Variants in CSMD1 observed in about 807,000 individuals in gnomAD.
CSMD1 encodes the protein CUB and Sushi multiple domains 1.
In CSMD1, 213 loss-of-function variants were observed where a neutral mutation model predicts 417.5. That is an observed-to-expected ratio of 0.51 (90% CI 0.46 to 0.57). The LOEUF (loss-of-function observed/expected upper bound fraction) is 0.57, where lower values mean the gene tolerates loss of function less well. CSMD1 is among the 20% of genes least tolerant of loss of function. The pLI is 0.00. For synonymous variants in CSMD1, 2,862 were observed against 1,736.8 expected, an observed-to-expected ratio of 1.65 and a Z score of -16.11; for missense variants, 6,923 against 4,529.7, an observed-to-expected ratio of 1.53 and a Z score of -15.17.
chr8:4,349,832 T>C (rs1264091602), intron 3 of CSMD1, among the ~76,000 whole-genome samples: 1 of 152,114 alleles, frequency 6.6e-6, no homozygotes, highest in African/African-American at 2.4e-5. Context: ...TTTTTTTTTT[T>C]TTTTAAGTTT....
At chr8:3,946,227 A>G (rs1811215233) in intron 5 of CSMD1, among the ~76,000 whole-genome samples, 1 of 152,184 alleles carries the variant, frequency 6.6e-6, no homozygotes, top group Admixed American at 6.5e-5. Context: ...TTGATCTTCC[A>G]AGTTGTATGC....
At chr8:4,871,653 T>C (rs2116916831) in intron 1 of CSMD1, among the ~76,000 whole-genome samples, 1 of 152,244 alleles carries the variant, frequency 6.6e-6, no homozygotes, top group Admixed American at 6.5e-5. Flanking sequence ...ACAACTCTTC[T>C]TTAGGAACTA....
At chr8:3,911,317 T>C (rs1379520297) in intron 5 of CSMD1, among the ~76,000 whole-genome samples, 1 of 151,962 alleles carries the variant, frequency 6.6e-6, no homozygotes, top group Non-Finnish European at 1.5e-5. Context: ...TTTTTCCTTA[T>C]TGAAAGGCTA....
intron 1 of CSMD1, among the ~76,000 whole-genome samples, chr8:4,926,622 T>C (rs1806890431): frequency 6.6e-6 from 1 of 152,232 alleles, no homozygotes; most frequent in Non-Finnish European, 1.5e-5. Context: ...AGCATGTATA[T>C]AGTTCCTTAA....
intron 4 of CSMD1, among the ~76,000 whole-genome samples, chr8:4,020,907 C>A (rs180695050): frequency 6.6e-6 from 1 of 152,204 alleles, no homozygotes; most frequent in African/African-American, 2.4e-5. Flanking sequence ...TATGCTTCAG[C>A]AATTGCTGAA....
chr8:4,427,171 T>C (rs1421937542), intron 2 of CSMD1, among the ~76,000 whole-genome samples: 2 of 152,064 alleles, frequency 1.3e-5, no homozygotes, highest in Admixed American at 6.6e-5. Context: ...ACACAATGGG[T>C]AAGTCCAGAT....
intron 2 of CSMD1, among the ~76,000 whole-genome samples, chr8:4,444,909 C>G (rs950460722): frequency 6.6e-6 from 1 of 152,162 alleles, no homozygotes; most frequent in Non-Finnish European, 1.5e-5. Flanking sequence ...TTGTCCAGGT[C>G]TTACATATTT....
At chr8:3,150,660 T>C (rs1051080471) in intron 40 of CSMD1, among the ~76,000 whole-genome samples, 6 of 152,196 alleles carry the variant, frequency 3.9e-5, no homozygotes, top group Non-Finnish European at 8.8e-5. Flanking sequence ...GGACATTCAC[T>C]AAGTACCTAA....
chr8:4,440,933 G>A (rs148307826), intron 2 of CSMD1, among the ~76,000 whole-genome samples: 4,715 of 150,754 alleles, frequency 0.031, 245 homozygotes, highest in African/African-American at 0.11. Flanking sequence ...GGAGGCGGAG[G>A]TTGCAGCGAG....
intron 10 of CSMD1, among the ~76,000 whole-genome samples, chr8:3,561,406 G>C (rs768185151): frequency 3.9e-5 from 6 of 152,134 alleles, no homozygotes; most frequent in Non-Finnish European, 8.8e-5. Context: ...TGGTTGATCA[G>C]ATAAAGAAAA....
At chr8:4,469,810 G>A (rs540368644) in intron 2 of CSMD1, among the ~76,000 whole-genome samples, 1 of 152,042 alleles carries the variant, frequency 6.6e-6, no homozygotes, top group East Asian at 1.9e-4. Flanking sequence ...TTCTCACGGA[G>A]GGAACCCAAA....
chr8:4,408,070 C>T (rs1255435887), intron 3 of CSMD1, among the ~76,000 whole-genome samples: 2 of 152,084 alleles, frequency 1.3e-5, no homozygotes, highest in African/African-American at 4.8e-5. Flanking sequence ...TTCCATTATT[C>T]TAATATTTAA....
intron 10 of CSMD1, among the ~76,000 whole-genome samples, chr8:3,525,836 C>A (rs552846898): frequency 0.013 from 1,925 of 152,072 alleles, 36 homozygotes; most frequent in African/African-American, 0.045. Flanking sequence ...AAATCAATAG[C>A]CCCCCAGGTC....
intron 10 of CSMD1, among the ~76,000 whole-genome samples, chr8:3,504,545 A>C (rs1290217787): frequency 1.3e-5 from 2 of 152,232 alleles, no homozygotes; most frequent in African/African-American, 4.8e-5. Flanking sequence ...TGCCAGACCC[A>C]GGCACATTCT....
At chr8:4,812,861 T>A (rs537663008) in intron 1 of CSMD1, among the ~76,000 whole-genome samples, 402 of 152,328 alleles carry the variant, frequency 2.6e-3, no homozygotes, top group African/African-American at 9.4e-3. Context: ...TGATATGTTA[T>A]CGCTATGTTT....
At chr8:3,732,904 A>G (rs1166995600) in intron 6 of CSMD1, among the ~76,000 whole-genome samples, 2 of 152,090 alleles carry the variant, frequency 1.3e-5, no homozygotes, top group East Asian at 3.9e-4. Flanking sequence ...TCATCTATCT[A>G]TCTATCATCT....
chr8:4,847,996 G>A (rs886583171), intron 1 of CSMD1, among the ~76,000 whole-genome samples: 4 of 151,992 alleles, frequency 2.6e-5, no homozygotes, highest in Non-Finnish European at 5.9e-5. Flanking sequence ...TCCTTCCAGG[G>A]CCCGAACAAC....
chr8:4,773,534 A>G lies in CSMD1; in HGVS notation c.86-135976T>C, dbSNP rs541314796. ...CTTCCTCAACCAGTTTTTATGATTC[A>G]GTTGAAAGAAAGTTACTTTTACTTT... On this transcript the variant is annotated intron_variant, in intron 1 of 69. Transcript: ENST00000635120. Among the ~76,000 whole-genome samples the G allele has an allele frequency of 5.7e-4, 87 of 152,312 alleles. 2 individuals carry two copies. The Middle Eastern group carries it at 0.017, about 30-fold the overall frequency.
chr8:4,901,661 T>G (rs1445607364), intron 1 of CSMD1, among the ~76,000 whole-genome samples: 1 of 152,208 alleles, frequency 6.6e-6, no homozygotes, highest in Non-Finnish European at 1.5e-5. Flanking sequence ...CAAGGCTCTT[T>G]GTAGCTTTAA....
Sources: gnomAD v4.1 joint callset for allele counts (sites outside exome capture counted in the v4.1 genomes callset) on GRCh38, gnomAD v4.1.1 for gene constraint, MANE v1.5 for transcripts, NCBI Gene and HGNC (gene_info 2026-07-23, HGNC 2026-07-21) for gene names.